The following ARHGAP5 variants were observed in gnomAD, a reference collection of about 807,000 sequenced individuals.
ARHGAP5 encodes the protein Rho GTPase activating protein 5, also known as rho GTPase-activating protein 5.
ARHGAP5 carries 23 observed loss-of-function variants against 116.6 expected under a neutral mutation model. That is an observed-to-expected ratio of 0.20 (90% CI 0.14 to 0.28). The LOEUF (loss-of-function observed/expected upper bound fraction) is 0.28. Among genes scored for constraint, ARHGAP5 ranks in the 10% least tolerant of loss-of-function variants. ARHGAP5 has a pLI of 1.00. For synonymous variants in ARHGAP5, 574 were observed against 602.0 expected (o/e 0.95, Z 0.68); for missense variants, 1,405 against 1,774.8 (o/e 0.79, Z 3.74).
At chr14:32,149,280 A>G (rs780261425) in intron 4 of ARHGAP5, among the ~76,000 whole-genome samples, 7 of 151,230 alleles carry the variant, frequency 4.6e-5, no homozygotes, top group Non-Finnish European at 8.8e-5. Flanking sequence ...TTTCCTGAGT[A>G]GCTGGGACTA....
intron 2 of ARHGAP5, among the ~76,000 whole-genome samples, chr14:32,103,922 T>C (rs1204090614): frequency 6.6e-6 from 1 of 152,222 alleles, no homozygotes; most frequent in Non-Finnish European, 1.5e-5. Flanking sequence ...AGAGATCTTA[T>C]GATTGTATCG....
chr14:32,091,339 G>A lies in ARHGAP5; in HGVS notation c.670G>A (p.Val224Ile), dbSNP rs1448449082. 9 of 1,613,370 alleles carry A rather than the reference G, an allele frequency of 5.6e-6. No homozygotes were observed. Among genetic ancestry groups the A allele is most frequent in the South Asian group, 1.1e-5 (1 of 90,966 alleles). ...TGCTTCAAATAAAAAGAACCTTCTT[G>A]TAGTGGAAACATCAGCACGATTTAA... The part of the protein sequence containing the change: ...AFASNKKNLL[V>I]VETSARFNVN... Residue 224 changes from valine to isoleucine, a missense_variant, in exon 2 of 7, where the codon GTA (valine) becomes ATA (isoleucine). Physicochemically the swap from Val to Ile is conservative, Grantham distance 29. Coordinates refer to ENST00000345122, the MANE Select transcript of ARHGAP5 (RefSeq NM_001030055.2).
chr14:32,079,943 A>G (rs1051737379), intron 1 of ARHGAP5, among the ~76,000 whole-genome samples: 1 of 152,174 alleles, frequency 6.6e-6, no homozygotes, highest in African/African-American at 2.4e-5. Context: ...CTATGTTCCT[A>G]AAAGATACTT....
intron 2 of ARHGAP5, among the ~76,000 whole-genome samples, chr14:32,107,074 C>T (rs1425497244): frequency 6.6e-6 from 1 of 152,078 alleles, no homozygotes; most frequent in African/African-American, 2.4e-5. Flanking sequence ...TGACTGGTAG[C>T]GAGGTGTTTT....
At chr14:32,095,401 G>GTTTTTTTTTTTT (rs869055864) in intron 2 of ARHGAP5, among the ~76,000 whole-genome samples, 3 of 121,020 alleles carry the variant, frequency 2.5e-5, no homozygotes, top group Non-Finnish European at 3.6e-5. Flanking sequence ...TGTAAACTTT[G>GTTTTTTTTTTTT]TTTTTTTTTT....
intron 2 of ARHGAP5, among the ~76,000 whole-genome samples, chr14:32,113,675 G>T (rs1879418688): frequency 6.6e-6 from 1 of 152,174 alleles, no homozygotes; most frequent in Admixed American, 6.5e-5. Flanking sequence ...GTCTGGATAA[G>T]GTTGAGACTT....
At chr14:32,084,479 C>T (rs747839367) in intron 1 of ARHGAP5, among the ~76,000 whole-genome samples, 5 of 152,142 alleles carry the variant, frequency 3.3e-5, no homozygotes, top group Non-Finnish European at 7.3e-5. Context: ...AGTGTGACTT[C>T]AGGATTACCC....
At chr14:32,105,684 G>GT in intron 2 of ARHGAP5, among the ~76,000 whole-genome samples, 1 of 152,186 alleles carries the variant, frequency 6.6e-6, no homozygotes. Flanking sequence ...ATGTGTATAG[G>GT]TTTGTGTGTC....
Position 32,152,438 on chromosome 14 carries a change from C to T in ARHGAP5, c.4091C>T (p.Thr1364Ile). The T allele has an allele frequency of 1.2e-6, 2 of 1,601,372 alleles. No homozygotes were observed. Among genetic ancestry groups the T allele is most frequent in the Non-Finnish European group, 1.7e-6 (2 of 1,174,950 alleles). Reference sequence around the variant, plus strand: ...AATTTTACAGAAATCCCGGATAAAACAGAACGTCTTCATGCCTTGAAAGAA... The same window carrying T: ...AATTTTACAGAAATCCCGGATAAAATAGAACGTCTTCATGCCTTGAAAGAA... ...LLEAAKIPDK[T>I]ERLHALKEIV... is the part of the protein sequence containing the mutation. The change falls in exon 6 of 7, where the codon ACA (threonine) becomes ATA (isoleucine). Residue 1364 changes from threonine to isoleucine, a missense_variant. By Grantham distance (89) the Thr-to-Ile change is moderately conservative (BLOSUM62 -1). Around this residue, in one of 6 missense-constraint regions of ARHGAP5, gnomAD observed 176 missense variants for 221.2 expected, o/e 0.80. Coordinates refer to ENST00000345122, the MANE Select transcript of ARHGAP5 (RefSeq NM_001030055.2).
intron 3 of ARHGAP5, among the ~76,000 whole-genome samples, chr14:32,141,727 A>G (rs114812486): frequency 0.03 from 4,577 of 152,232 alleles, 217 homozygotes; most frequent in African/African-American, 0.1. Context: ...TCGTTTATCT[A>G]AGAGTATCTT....
chr14:32,132,120 A>C (rs1013901831), intron 3 of ARHGAP5, among the ~76,000 whole-genome samples: 13 of 152,196 alleles, frequency 8.5e-5, no homozygotes, highest in African/African-American at 3.1e-4. Context: ...TGGCTGGGTC[A>C]AATGGTATTT....
At chr14:32,118,566 C>T (rs1446175361) in intron 3 of ARHGAP5, among the ~76,000 whole-genome samples, 1 of 151,404 alleles carries the variant, frequency 6.6e-6, no homozygotes, top group African/African-American at 2.4e-5. Context: ...TGTCTTCTGC[C>T]TTCAGTTAAT....
In ARHGAP5 at chr14:32,159,345, G is replaced by A. The variant is rs1882019173; in HGVS notation, c.*4397G>A. 6.6e-6 allele frequency: 1 copy of A among 152,036 alleles called. No homozygotes were observed. The highest frequency in any genetic ancestry group is 2.1e-4 in the South Asian group (1 of 4,820). 9.4% of individuals were successfully genotyped at this position (152,036 alleles called of 1,614,324 possible). ...GTTTTGTCTCAAATAGTAAGTTATT[G>A]TGAACAATTTAATAACGGCCCTCCT... is the stretch of plus-strand genomic sequence containing the variant. On this transcript the variant is annotated 3_prime_UTR_variant, in exon 7 of 7. Coordinates refer to ENST00000345122, the MANE Select transcript of ARHGAP5 (RefSeq NM_001030055.2).
chr14:32,138,415 C>G (rs1457067036), intron 3 of ARHGAP5, among the ~76,000 whole-genome samples: 3 of 152,138 alleles, frequency 2.0e-5, no homozygotes, highest in Non-Finnish European at 2.9e-5. Flanking sequence ...TCCCGAGTAG[C>G]TGGGATTACA....
Sources: gnomAD v4.1 joint callset for allele counts (sites outside exome capture counted in the v4.1 genomes callset) on GRCh38, gnomAD v4.1.1 for gene constraint, gnomAD v4.1.1 regional missense constraint, MANE v1.5 for transcripts, NCBI Gene and HGNC (gene_info 2026-07-23, HGNC 2026-07-21) for gene names.